Variants in SCLY observed in about 807,000 individuals in gnomAD.
SCLY encodes putative selenocysteine lyase.
A neutral mutation model predicts 50.1 loss-of-function variants in SCLY; 38 were observed. The ratio of observed to expected loss-of-function variants is 0.76; its 90% CI spans 0.59 to 0.99. SCLY has a LOEUF of 0.99. SCLY is among the 50% of genes least tolerant of loss of function. The pLI is 0.00. For missense variants in SCLY, 600 were observed against 620.0 expected (o/e 0.97, Z 0.34); for synonymous variants, 243 against 249.4 (o/e 0.97, Z 0.24).
At chr2:238,091,539 TGCAGGTTCAC>T in intron 8 of SCLY, 7 of 401,110 alleles carry the variant, frequency 1.7e-5, no homozygotes, top group Admixed American at 4.0e-5. Flanking sequence ...AGTGTCAAGC[TGCAGGTTCAC>T]CATTCCCAAA....
rs760065401 is a variant in SCLY, at chr2:238,083,292, T to C, written c.822T>C (p.Gly274=). 9.5e-5 allele frequency: 154 copies of C among 1,613,954 alleles called. 2 individuals are homozygous for C. In the South Asian group the frequency reaches 1.4e-3, roughly 14 times the overall value. ...GCGCACTTTATATACGAGGACTTGG[T>C]GAATTTACCCCTCTCTACCCTATGC... ...RIGALYIRGL[G]EFTPLYPMLF... is the part of the protein sequence containing the mutation. The change falls in exon 7 of 12, where the codon GGT becomes GGC. Residue 274 remains glycine, a synonymous_variant. Coordinates refer to ENST00000254663, the MANE Select transcript of SCLY (RefSeq NM_016510.7). This position sits in a 1 kb window ranked among gnomAD's most constrained non-coding sequence, Gnocchi z 4.3.
At position 238,082,158 on chromosome 2, in the gene SCLY, C is replaced by T. The variant is rs944634348; in HGVS notation, c.726C>T (p.Arg242=). The change falls in exon 6 of 12, where the codon CGC becomes CGT. Residue 242 remains arginine (R), a synonymous_variant. Transcript: ENST00000254663. ...TDAAQALGKQ[R]VDVEDLGVDF... ...CTGCACAGGCCTTGGGGAAGCAGCG[C>T]GTGGATGTGGAGGACCTGGGCGTGG... 6 of 1,612,388 alleles carry T rather than the reference C, an allele frequency of 3.7e-6. No homozygotes were observed. Among genetic ancestry groups the T allele is most frequent in the East Asian group, 4.5e-5 (2 of 44,878 alleles).
At chr2:238,082,871 C>G (rs563329753) in intron 6 of SCLY, 1 of 318,526 alleles carries the variant, frequency 3.1e-6, no homozygotes, top group East Asian at 8.0e-5. Flanking sequence ...GCAGGAAAAG[C>G]CCTGGCCAAC....
rs1056853217 is a variant in SCLY, at chr2:238,099,281, T to C, written c.*926T>C. On this transcript the variant is annotated 3_prime_UTR_variant, in exon 12 of 12. Coordinates refer to ENST00000254663, the MANE Select transcript of SCLY (RefSeq NM_016510.7). ...CATTTGGACACACATCACATGTCGA[T>C]ATTTGCATAGGAGTCATTTTCAGTG... 6.4e-6 allele frequency: 3 copies of C among 471,756 alleles called. No individual in the cohort carries two copies. Among genetic ancestry groups the C allele is most frequent in the Non-Finnish European group, 1.3e-5 (3 of 227,208 alleles). The allele number at this position is 471,756 out of a possible 1,614,324, so 29.2% of individuals were successfully genotyped here.
chr2:238,064,508 A>G, intron 2 of SCLY, 39 bp downstream of exon 2: 1 of 1,446,736 alleles, frequency 6.9e-7, no homozygotes, highest in Non-Finnish European at 9.6e-7. Flanking sequence ...GATGGGAGAT[A>G]ATGGGGATGG....
At position 238,068,120 on chromosome 2, in the gene SCLY, A is replaced by AG. The variant is rs779507169; in HGVS notation, c.264dup (p.Lys89GlufsTer13). 2 of 1,611,704 alleles carry AG rather than the reference A, an allele frequency of 1.2e-6. No homozygotes were observed. The highest frequency in any genetic ancestry group is 1.7e-6 in the Non-Finnish European group (2 of 1,179,062). The stretch of plus-strand genomic sequence containing the variant: ...CTCGGGAAAGCCTCGCGAAGATGAT[A>AG]GGGGGGAAACCTCAAGATATAATCT... On this transcript the variant is annotated frameshift_variant, in exon 3 of 12. Coordinates refer to ENST00000254663, the MANE Select transcript of SCLY (RefSeq NM_016510.7). LOFTEE classifies it high-confidence loss of function.
At chr2:238,070,832 CTT>C (rs747025163) in intron 4 of SCLY, among the ~76,000 whole-genome samples, 4 of 144,832 alleles carry the variant, frequency 2.8e-5, no homozygotes, top group African/African-American at 7.5e-5. Flanking sequence ...TTTTTGGTAC[CTT>C]TTTTTTTTTT....
At chr2:238,091,533 T>TACGG in intron 8 of SCLY, 1 of 400,340 alleles carries the variant, frequency 2.5e-6, no homozygotes, top group Non-Finnish European at 4.6e-6. Flanking sequence ...AGGTGAAGTG[T>TACGG]CAAGCTGCAG....
rs371110477 is a variant in SCLY at position 238,093,920 on chromosome 2, C to A, written c.981C>A (p.Arg327=). 2.2e-4 allele frequency: 349 copies of A among 1,613,778 alleles called. No homozygotes were observed. Among genetic ancestry groups the A allele is most frequent in the Non-Finnish European group, 2.9e-4 (338 of 1,180,002 alleles). The part of the protein sequence containing the change: ...EAYEAHMRDV[R]DYLEERLEAE... ...ATGAGGCCCACATGAGGGACGTCCG[C>A]GACTACCTGGAAGAGAGGCTGGAAG... is the stretch of plus-strand genomic sequence containing the variant. The change falls in exon 9 of 12, where the codon CGC becomes CGA. Residue 327 remains arginine (R), a synonymous_variant. Coordinates refer to ENST00000254663, the MANE Select transcript of SCLY (RefSeq NM_016510.7).
intron 4 of SCLY, among the ~76,000 whole-genome samples, chr2:238,076,893 C>T (rs1199497851): frequency 6.6e-6 from 1 of 151,758 alleles, no homozygotes; most frequent in East Asian, 1.9e-4. Flanking sequence ...GACATATATC[C>T]TAGAGTATAT....
intron 8 of SCLY, 125 bp from the exon 9 acceptor site, chr2:238,093,735 TG>T: frequency 3.4e-6 from 3 of 879,174 alleles, no homozygotes; most frequent in Non-Finnish European, 5.4e-6. Flanking sequence ...TCAAAAAATA[TG>T]GTCTGTCTGT....
rs1312126975 is a variant in SCLY, at chr2:238,069,952, G to A, written c.484+475G>A. ...AAGGATCAAATAGACCTAAACTTCA[G>A]GTGTGAAGCCTGGAATAAGCGAGCT... On this transcript the variant is annotated intron_variant, in intron 4 of 11. Coordinates refer to ENST00000254663, the MANE Select transcript of SCLY (RefSeq NM_016510.7). This position sits in a 1 kb window ranked among gnomAD's most constrained non-coding sequence, Gnocchi z 5.0. 6.6e-6 allele frequency: 1 copy of A among 152,596 alleles called. No homozygotes were observed. The highest frequency in any genetic ancestry group is 6.5e-5 in the Admixed American group (1 of 15,292). The allele number at this position is 152,596 out of a possible 1,614,324, so 9.5% of individuals were successfully genotyped here. A position where few individuals can be genotyped will look rare whatever the true frequency, so the allele number is the denominator to read the frequency against.
rs560924333 is a variant in SCLY, at chr2:238,083,724, T to C, written c.884+370T>C. On this transcript the variant is annotated intron_variant, in intron 7 of 11. Transcript: ENST00000254663. This position sits in a 1 kb window ranked among gnomAD's most constrained non-coding sequence, Gnocchi z 4.3. ...GGACCACACAGAAGCACTGGTCTCC[T>C]TTCTGATAGCTCCTGTGTCCCCTCT... Among the ~76,000 whole-genome samples, 2 of 152,348 alleles carry C rather than the reference T, an allele frequency of 1.3e-5. No individual in the cohort carries two copies. Among genetic ancestry groups the C allele is most frequent in the South Asian group, 2.1e-4 (1 of 4,824 alleles).
At chr2:238,091,129 GATTTT>G (rs2065357384) in intron 7 of SCLY, 84 bp from the exon 8 acceptor site, 1 of 1,225,546 alleles carries the variant, frequency 8.2e-7, no homozygotes, top group Non-Finnish European at 1.2e-6. Context: ...GCGTGAGTTT[GATTTT>G]ATTTTAACAC....
intron 7 of SCLY, among the ~76,000 whole-genome samples, chr2:238,087,533 C>A (rs1041332534): frequency 6.6e-6 from 1 of 152,150 alleles, no homozygotes; most frequent in Admixed American, 6.5e-5. Flanking sequence ...AAAGAGAAGT[C>A]TTCAGGCCCG....
At chr2:238,087,698 G>C (rs1429126484) in intron 7 of SCLY, among the ~76,000 whole-genome samples, 1 of 55,808 alleles carries the variant, frequency 1.8e-5, no homozygotes, top group African/African-American at 7.2e-5. Flanking sequence ...GATAAAGACA[G>C]TACAAAAAAA....
At chr2:238,090,641 AAATT>A (rs1270875068) in intron 7 of SCLY, among the ~76,000 whole-genome samples, 1 of 152,234 alleles carries the variant, frequency 6.6e-6, no homozygotes, top group African/African-American at 2.4e-5. Flanking sequence ...ATCTAAAAAA[AAATT>A]AAGAAATTAA....
chr2:238,064,671 C>A (rs2065052130), intron 2 of SCLY: 2 of 408,346 alleles, frequency 4.9e-6, no homozygotes, highest in Non-Finnish European at 8.8e-6. Flanking sequence ...TAATCTTTAA[C>A]CTTTAATGTT....
intron 7 of SCLY, among the ~76,000 whole-genome samples, chr2:238,090,154 A>G (rs2065347321): frequency 6.6e-6 from 1 of 152,252 alleles, no homozygotes. Flanking sequence ...CCCAGGTAAT[A>G]AGCACAGGAA....
Sources: allele counts gnomAD v4.1 joint callset (sites outside exome capture counted in the v4.1 genomes callset), GRCh38; gene constraint gnomAD v4.1.1; non-coding constraint Gnocchi (gnomAD v3.1); transcripts MANE v1.5; gene names NCBI Gene and HGNC (gene_info 2026-07-23, HGNC 2026-07-21).